The following NDST3 variants were observed in gnomAD, a reference collection of about 807,000 sequenced individuals.
NDST3 encodes N-deacetylase and N-sulfotransferase 3.
A neutral mutation model predicts 96.1 loss-of-function variants in NDST3; 58 were observed. That is an observed-to-expected ratio of 0.60 (90% CI 0.49 to 0.75). The LOEUF (loss-of-function observed/expected upper bound fraction) is 0.75. NDST3 is among the 30% of genes least tolerant of loss of function. The pLI, the probability that NDST3 is intolerant of heterozygous loss-of-function variation, is 0.00. For synonymous variants in NDST3, 333 were observed against 359.7 expected (o/e 0.93, Z 0.84); for missense variants, 788 against 1,034.2 (o/e 0.76, Z 3.27).
intron 6 of NDST3, among the ~76,000 whole-genome samples, chr4:118,149,229 G>A (rs1284869886): frequency 1.3e-5 from 2 of 152,106 alleles, no homozygotes; most frequent in Non-Finnish European, 2.9e-5. Context: ...GATTGACTTG[G>A]CGATGCGGGC....
chr4:118,120,869 T>C (rs1731506636), intron 4 of NDST3, among the ~76,000 whole-genome samples: 1 of 152,212 alleles, frequency 6.6e-6, no homozygotes, highest in Non-Finnish European at 1.5e-5. Flanking sequence ...CAGAAAATGG[T>C]AAAATATTTT....
At chr4:118,194,371 C>T (rs912920039) in intron 6 of NDST3, 9 of 728,550 alleles carry the variant, frequency 1.2e-5, no homozygotes, top group Admixed American at 5.4e-5. Flanking sequence ...ACCTCAAACA[C>T]GAGTGTGGCA....
chr4:118,242,362 C>T (rs1741062111), intron 12 of NDST3, among the ~76,000 whole-genome samples: 1 of 151,724 alleles, frequency 6.6e-6, no homozygotes, highest in Non-Finnish European at 1.5e-5. Context: ...CAAAGATTTC[C>T]CTGAAAGGAA....
intron 6 of NDST3, among the ~76,000 whole-genome samples, chr4:118,181,356 G>C (rs1357559289): frequency 6.6e-6 from 1 of 152,122 alleles, no homozygotes; most frequent in Non-Finnish European, 1.5e-5. Context: ...AGAAGGAGGA[G>C]CAGGAAATGG....
At chr4:118,178,617 A>G (rs1736414598) in intron 6 of NDST3, among the ~76,000 whole-genome samples, 1 of 152,028 alleles carries the variant, frequency 6.6e-6, no homozygotes, top group African/African-American at 2.4e-5. Context: ...CCTTGTGGCC[A>G]TTGTGAATAA....
intron 6 of NDST3, among the ~76,000 whole-genome samples, chr4:118,195,289 C>T (rs1737596994): frequency 6.6e-6 from 1 of 152,150 alleles, no homozygotes; most frequent in Admixed American, 6.5e-5. Flanking sequence ...GTAATAGTCT[C>T]CACTTGTCAA....
intron 6 of NDST3, among the ~76,000 whole-genome samples, chr4:118,177,977 T>C (rs996022409): frequency 2.6e-5 from 4 of 151,818 alleles, no homozygotes; most frequent in Admixed American, 2.0e-4. Context: ...TAAAGTTGGA[T>C]AGTTACAGTT....
chr4:118,176,874 A>C (rs933387995), intron 6 of NDST3, among the ~76,000 whole-genome samples: 11 of 152,192 alleles, frequency 7.2e-5, no homozygotes, highest in Non-Finnish European at 1.6e-4. Flanking sequence ...TTGAAATTTG[A>C]AAGTAAAAAA....
intron 6 of NDST3, among the ~76,000 whole-genome samples, chr4:118,187,417 A>T (rs1259536011): frequency 6.6e-6 from 1 of 152,246 alleles, no homozygotes; most frequent in Non-Finnish European, 1.5e-5. Flanking sequence ...AAAAGAGAGA[A>T]GATCTCCTGT....
chr4:118,179,411 T>A (rs911584984), intron 6 of NDST3, among the ~76,000 whole-genome samples: 25 of 152,184 alleles, frequency 1.6e-4, no homozygotes, highest in Non-Finnish European at 3.4e-4. Context: ...TAGGTTTTTT[T>A]AATTAAATTA....
At chr4:118,254,655 A>T (rs1012064020) in intron 13 of NDST3, among the ~76,000 whole-genome samples, 1 of 152,124 alleles carries the variant, frequency 6.6e-6, no homozygotes, top group Non-Finnish European at 1.5e-5. Flanking sequence ...GTAGATTTTG[A>T]TTTGTAAATT....
intron 2 of NDST3, among the ~76,000 whole-genome samples, chr4:118,100,321 C>G (rs919364565): frequency 4.6e-5 from 7 of 151,974 alleles, no homozygotes; most frequent in Non-Finnish European, 8.8e-5. Flanking sequence ...CTTATACCAT[C>G]ACCCACCACC....
At chr4:118,110,731 A>C (rs1343206659) in intron 3 of NDST3, among the ~76,000 whole-genome samples, 2 of 152,224 alleles carry the variant, frequency 1.3e-5, no homozygotes, top group Admixed American at 6.5e-5. Flanking sequence ...GGCACTTAAC[A>C]CTGTAGAAAA....
At chr4:118,048,958 C>A (rs989707787) in intron 1 of NDST3, among the ~76,000 whole-genome samples, 3 of 152,144 alleles carry the variant, frequency 2.0e-5, no homozygotes, top group African/African-American at 7.2e-5. Context: ...TATTCTAAGA[C>A]TGACCACATG....
At chr4:118,192,814 T>C (rs1029255141) in intron 6 of NDST3, among the ~76,000 whole-genome samples, 2 of 152,112 alleles carry the variant, frequency 1.3e-5, no homozygotes, top group African/African-American at 4.8e-5. Flanking sequence ...CTGAGGGGGT[T>C]TGGGGACACA....
intron 6 of NDST3, among the ~76,000 whole-genome samples, chr4:118,161,359 G>C (rs1195512786): frequency 6.6e-6 from 1 of 152,222 alleles, no homozygotes; most frequent in Non-Finnish European, 1.5e-5. Flanking sequence ...CCCATTCTCA[G>C]ATATCCAGCT....
chr4:118,171,908 T>A, intron 6 of NDST3, among the ~76,000 whole-genome samples: 1 of 152,220 alleles, frequency 6.6e-6, no homozygotes, highest in East Asian at 1.9e-4. Flanking sequence ...GTAAGCAACG[T>A]AGGTGTCCTG....
chr4:118,168,886 C>T (rs573721617), intron 6 of NDST3, among the ~76,000 whole-genome samples: 1 of 152,128 alleles, frequency 6.6e-6, no homozygotes, highest in Non-Finnish European at 1.5e-5. Context: ...AGAACAAATA[C>T]TGCTTGATTC....
At chr4:118,135,552 T>C (rs181373864) in intron 4 of NDST3, among the ~76,000 whole-genome samples, 1 of 152,262 alleles carries the variant, frequency 6.6e-6, no homozygotes, top group East Asian at 1.9e-4. Context: ...TTTGAGGTAA[T>C]GCCCTTATGA....
Sources: gnomAD v4.1 joint callset for allele counts (sites outside exome capture counted in the v4.1 genomes callset) on GRCh38, gnomAD v4.1.1 for gene constraint, MANE v1.5 for transcripts, NCBI Gene and HGNC (gene_info 2026-07-23, HGNC 2026-07-21) for gene names.